Variants in SBF2 observed in about 807,000 individuals in gnomAD.
SBF2 encodes the protein myotubularin-related protein 13.
In SBF2, 112 loss-of-function variants were observed where a neutral mutation model predicts 225.2. The observed-to-expected ratio is 0.50, with a 90% confidence interval of 0.43 to 0.58. The LOEUF (loss-of-function observed/expected upper bound fraction) is 0.58. SBF2 is among the 20% of genes least tolerant of loss of function. The pLI, the probability that SBF2 is intolerant of heterozygous loss-of-function variation, is 0.00. For synonymous variants in SBF2, 763 were observed against 773.3 expected, an observed-to-expected ratio of 0.99 and a Z score of 0.22; for missense variants, 1,996 against 2,206.2, an observed-to-expected ratio of 0.90 and a Z score of 1.91.
intron 30 of SBF2, among the ~76,000 whole-genome samples, chr11:9,811,897 C>T (rs1042233493): frequency 3.9e-5 from 6 of 152,040 alleles, no homozygotes; most frequent in African/African-American, 1.4e-4. Context: ...GGGAGGATTA[C>T]TTGAGGCCAG....
chr11:10,264,466 A>T (rs970657602), intron 1 of SBF2, among the ~76,000 whole-genome samples: 1 of 152,138 alleles, frequency 6.6e-6, no homozygotes, highest in Non-Finnish European at 1.5e-5. Flanking sequence ...TGCTCATTCA[A>T]TATTAATTCA....
chr11:10,221,261 G>A (rs1958329973), intron 1 of SBF2, among the ~76,000 whole-genome samples: 1 of 151,942 alleles, frequency 6.6e-6, no homozygotes, highest in Non-Finnish European at 1.5e-5. Context: ...GGGATTACAG[G>A]CATGAGCCGT....
intron 2 of SBF2, among the ~76,000 whole-genome samples, chr11:10,161,863 T>G (rs542026025): frequency 2.0e-5 from 3 of 152,164 alleles, no homozygotes; most frequent in African/African-American, 7.2e-5. Context: ...CACATATCTC[T>G]AGTCCTAGCT....
chr11:10,261,928 T>C (rs771959575), intron 1 of SBF2, among the ~76,000 whole-genome samples: 2 of 152,134 alleles, frequency 1.3e-5, no homozygotes, highest in Non-Finnish European at 2.9e-5. Flanking sequence ...AATTAATCTA[T>C]GGCAGACAAA....
chr11:10,188,272 G>C (rs564615829), intron 2 of SBF2, among the ~76,000 whole-genome samples: 1 of 152,276 alleles, frequency 6.6e-6, no homozygotes, highest in Non-Finnish European at 1.5e-5. Flanking sequence ...AAAGGAACTG[G>C]AACTTAAGAA....
chr11:10,043,097 A>ATT, intron 2 of SBF2, 116 bp from the exon 3 acceptor site: 1 of 985,992 alleles, frequency 1.0e-6, no homozygotes, highest in Non-Finnish European at 1.5e-6. Flanking sequence ...ATGTGGTATG[A>ATT]GTCTAAAGCC....
At chr11:10,106,576 C>T (rs1414519844) in intron 2 of SBF2, among the ~76,000 whole-genome samples, 1 of 148,310 alleles carries the variant, frequency 6.7e-6, no homozygotes, top group South Asian at 2.1e-4. Context: ...TTGCAGTGAG[C>T]CAAAATCGCA....
chr11:10,107,658 T>C (rs1308758971), intron 2 of SBF2, among the ~76,000 whole-genome samples: 1 of 152,212 alleles, frequency 6.6e-6, no homozygotes, highest in African/African-American at 2.4e-5. Context: ...CCAGCAATAC[T>C]TGGCATTCCT....
intron 16 of SBF2, among the ~76,000 whole-genome samples, chr11:9,918,006 C>T (rs1863251284): frequency 6.6e-6 from 1 of 151,702 alleles, no homozygotes; most frequent in African/African-American, 2.4e-5. Flanking sequence ...GATTCCATCA[C>T]ATATGAACTT....
chr11:9,900,535 C>T (rs1287156424), intron 16 of SBF2, among the ~76,000 whole-genome samples: 6 of 152,146 alleles, frequency 3.9e-5, no homozygotes, highest in East Asian at 1.9e-4. Flanking sequence ...AGGGGAAGGA[C>T]GCAGCAGCAG....
chr11:9,827,415 G>A (rs1041773422), intron 28 of SBF2, among the ~76,000 whole-genome samples: 1 of 152,034 alleles, frequency 6.6e-6, no homozygotes, highest in Admixed American at 6.6e-5. Context: ...TGTAGTCTTA[G>A]CTCCTTGGGA....
chr11:10,019,405 A>G (rs945114908), intron 6 of SBF2, among the ~76,000 whole-genome samples: 1 of 152,212 alleles, frequency 6.6e-6, no homozygotes, highest in African/African-American at 2.4e-5. Flanking sequence ...CCCAAAGAAC[A>G]TAGCTGATAT....
intron 17 of SBF2, among the ~76,000 whole-genome samples, chr11:9,871,727 G>A (rs1050523685): frequency 3.4e-4 from 52 of 152,054 alleles, no homozygotes; most frequent in South Asian, 2.1e-4. Flanking sequence ...TCCTGACCTC[G>A]TGAACCGCCT....
chr11:10,176,865 A>G (rs1956488831), intron 2 of SBF2, among the ~76,000 whole-genome samples: 1 of 152,220 alleles, frequency 6.6e-6, no homozygotes, highest in Non-Finnish European at 1.5e-5. Flanking sequence ...TCCTGATACC[A>G]AAGCCTGGCA....
intron 1 of SBF2, among the ~76,000 whole-genome samples, chr11:10,242,454 C>T (rs1320888612): frequency 1.3e-5 from 2 of 151,926 alleles, no homozygotes; most frequent in South Asian, 4.1e-4. Context: ...ACAAAAATAA[C>T]TATAAAACGG....
intron 2 of SBF2, among the ~76,000 whole-genome samples, chr11:10,146,756 A>C (rs1468704150): frequency 6.6e-6 from 1 of 152,212 alleles, no homozygotes; most frequent in Non-Finnish European, 1.5e-5. Flanking sequence ...TCTGCACAGC[A>C]AAAGAAACTA....
At chr11:10,175,492 G>A (rs1164338710) in intron 2 of SBF2, among the ~76,000 whole-genome samples, 3 of 151,270 alleles carry the variant, frequency 2.0e-5, no homozygotes, top group African/African-American at 7.3e-5. Flanking sequence ...CCCAATACAG[G>A]AGCACCCAGA....
At chr11:10,057,069 C>T (rs553659059) in intron 2 of SBF2, among the ~76,000 whole-genome samples, 84 of 152,272 alleles carry the variant, frequency 5.5e-4, no homozygotes, top group African/African-American at 9.9e-4. Flanking sequence ...GGGAGAAACA[C>T]GCTCCCATCT....
intron 6 of SBF2, among the ~76,000 whole-genome samples, chr11:10,007,628 C>G (rs1948253998): frequency 3.9e-5 from 6 of 152,110 alleles, no homozygotes; most frequent in Admixed American, 2.6e-4. Flanking sequence ...GCAGCCCCCT[C>G]TGGCTGGTTC....
Sources: allele counts gnomAD v4.1 joint callset (sites outside exome capture counted in the v4.1 genomes callset), GRCh38; gene constraint gnomAD v4.1.1; transcripts MANE v1.5; gene names NCBI Gene and HGNC (gene_info 2026-07-23, HGNC 2026-07-21).